Variants in NKAIN2 observed in about 807,000 individuals in gnomAD.
NKAIN2 encodes the protein sodium/potassium transporting ATPase interacting 2.
A neutral mutation model predicts 32.6 loss-of-function variants in NKAIN2; 14 were observed. The ratio of observed to expected loss-of-function variants is 0.43; its 90% CI spans 0.28 to 0.67. NKAIN2 has a LOEUF of 0.67. Ranked by LOEUF, NKAIN2 falls within the 30% of genes least tolerant of loss-of-function variation. The probability of loss-of-function intolerance (pLI) is 0.17; values close to 1 mark genes in which losing one functional copy is unlikely to be tolerated. For missense variants in NKAIN2, 198 were observed against 258.3 expected (o/e 0.77, Z 1.60); for synonymous variants, 80 against 87.2 (o/e 0.92, Z 0.46).
At chr6:124,128,576 A>G (rs1429645516) in intron 1 of NKAIN2, among the ~76,000 whole-genome samples, 6 of 152,178 alleles carry the variant, frequency 3.9e-5, no homozygotes, top group African/African-American at 1.4e-4. Flanking sequence ...TCCCCATTAT[A>G]GTAATGAGTG....
At chr6:124,325,337 A>G (rs1358369554) in intron 2 of NKAIN2, among the ~76,000 whole-genome samples, 2 of 152,110 alleles carry the variant, frequency 1.3e-5, no homozygotes, top group Non-Finnish European at 2.9e-5. Context: ...TATGGAAAAC[A>G]GTTTAGCAGT....
At chr6:124,209,290 A>G (rs1339793924) in intron 1 of NKAIN2, among the ~76,000 whole-genome samples, 1 of 151,792 alleles carries the variant, frequency 6.6e-6, no homozygotes, top group Non-Finnish European at 1.5e-5. Context: ...GTTGTTGCAA[A>G]TGACAGGAGT....
intron 1 of NKAIN2, among the ~76,000 whole-genome samples, chr6:124,050,881 A>G (rs1200265141): frequency 6.6e-6 from 1 of 152,054 alleles, no homozygotes; most frequent in Non-Finnish European, 1.5e-5. Context: ...TGAATCAATG[A>G]GTGATTTGGG....
intron 1 of NKAIN2, among the ~76,000 whole-genome samples, chr6:124,110,553 C>G (rs906271830): frequency 2.0e-5 from 3 of 151,966 alleles, no homozygotes. Context: ...CTCCTTCTTC[C>G]CTCCTTTAGT....
intron 3 of NKAIN2, among the ~76,000 whole-genome samples, chr6:124,598,077 A>G (rs1313468042): frequency 2.6e-5 from 4 of 152,204 alleles, no homozygotes. Context: ...AAATTCAAGC[A>G]TAAGTTCATT....
intron 5 of NKAIN2, among the ~76,000 whole-genome samples, chr6:124,804,297 G>T (rs546872415): frequency 6.6e-6 from 1 of 152,270 alleles, no homozygotes; most frequent in East Asian, 1.9e-4. Flanking sequence ...AGAATTAGCA[G>T]ATATGAACAA....
intron 3 of NKAIN2, among the ~76,000 whole-genome samples, chr6:124,406,963 T>A (rs1773888856): frequency 6.6e-6 from 1 of 152,032 alleles, no homozygotes; most frequent in Non-Finnish European, 1.5e-5. Flanking sequence ...TTTATGTATA[T>A]TCGATACAAT....
At chr6:124,085,124 A>G (rs1274286141) in intron 1 of NKAIN2, among the ~76,000 whole-genome samples, 1 of 152,046 alleles carries the variant, frequency 6.6e-6, no homozygotes, top group Non-Finnish European at 1.5e-5. Context: ...AAACTCAGGA[A>G]AAGGTTTTGT....
chr6:124,726,465 C>T (rs1776317690), intron 4 of NKAIN2, among the ~76,000 whole-genome samples: 1 of 151,836 alleles, frequency 6.6e-6, no homozygotes, highest in Non-Finnish European at 1.5e-5. Context: ...CCTCACACGG[C>T]AGGGTATTCC....
chr6:124,380,666 C>A (rs1772595722), intron 3 of NKAIN2, among the ~76,000 whole-genome samples: 1 of 152,080 alleles, frequency 6.6e-6, no homozygotes, highest in Non-Finnish European at 1.5e-5. Flanking sequence ...TCTGTGAAGT[C>A]AGAAGTATTT....
chr6:124,239,174 A>G (rs941389947), intron 1 of NKAIN2, among the ~76,000 whole-genome samples: 2 of 152,236 alleles, frequency 1.3e-5, no homozygotes, highest in African/African-American at 4.8e-5. Context: ...ACATAATGAT[A>G]AAGTATCAAT....
chr6:123,846,208 T>C (rs1032089692), intron 1 of NKAIN2, among the ~76,000 whole-genome samples: 1 of 152,224 alleles, frequency 6.6e-6, no homozygotes, highest in Non-Finnish European at 1.5e-5. Flanking sequence ...TCTAGGTGTG[T>C]GTAAACCTCA....
intron 4 of NKAIN2, among the ~76,000 whole-genome samples, chr6:124,660,742 C>G (rs1218559400): frequency 6.6e-6 from 1 of 152,210 alleles, no homozygotes; most frequent in Non-Finnish European, 1.5e-5. Flanking sequence ...CACGGCATTA[C>G]TTGGAGAAAT....
At position 124,480,045 on chromosome 6, in the gene NKAIN2, A is replaced by G. The variant is rs76672843; in HGVS notation, c.273+124698A>G. 5.5e-3 allele frequency among the ~76,000 whole-genome samples: 831 copies of G among 152,316 alleles called. 29 individuals are homozygous for G. In the East Asian group the frequency reaches 0.08, roughly 15 times the overall value. Reference sequence around the variant, plus strand: ...CAAACAGATTGCAGAGGAAAATACAATCTTATTTTAGATGCAGTTCAGGTT... The same window carrying G: ...CAAACAGATTGCAGAGGAAAATACAGTCTTATTTTAGATGCAGTTCAGGTT... On this transcript the variant is annotated intron_variant, in intron 3 of 6. Transcript: ENST00000368417.
intron 1 of NKAIN2, among the ~76,000 whole-genome samples, chr6:124,104,981 A>G (rs775721709): frequency 9.2e-5 from 14 of 152,178 alleles, no homozygotes; most frequent in Non-Finnish European, 1.6e-4. Flanking sequence ...ACTTCTGTCA[A>G]TGTTGGACTT....
intron 1 of NKAIN2, among the ~76,000 whole-genome samples, chr6:123,877,312 T>C (rs536628289): frequency 6.6e-6 from 1 of 152,336 alleles, no homozygotes; most frequent in Admixed American, 6.5e-5. Context: ...TTATGCAACA[T>C]TTGCTACGTA....
At chr6:124,193,103 C>G (rs1790113471) in intron 1 of NKAIN2, among the ~76,000 whole-genome samples, 1 of 152,166 alleles carries the variant, frequency 6.6e-6, no homozygotes, top group African/African-American at 2.4e-5. Context: ...GGTGCATACA[C>G]ATTTAGAATT....
intron 1 of NKAIN2, among the ~76,000 whole-genome samples, chr6:123,876,744 C>A (rs1017481120): frequency 4.6e-5 from 7 of 152,192 alleles, no homozygotes; most frequent in African/African-American, 1.7e-4. Flanking sequence ...GGATTGGATG[C>A]TGCCCACCCA....
Position 124,392,747 on chromosome 6 carries a change from C to G in NKAIN2, c.273+37400C>G, listed in dbSNP as rs536382704. Among the ~76,000 whole-genome samples the G allele has an allele frequency of 4.6e-5, 7 of 152,262 alleles. No individual in the cohort carries two copies. In the South Asian group the frequency reaches 1.4e-3, roughly 32 times the overall value. On this transcript the variant is annotated intron_variant, in intron 3 of 6. Coordinates refer to ENST00000368417, the MANE Select transcript of NKAIN2 (RefSeq NM_001040214.3). ...GAAGGGTAGAACAATTTAAAAGTTG[C>G]TGCATTTGACAGCAATGCCAGAAAT...
Sources: allele counts gnomAD v4.1 joint callset (sites outside exome capture counted in the v4.1 genomes callset), GRCh38; gene constraint gnomAD v4.1.1; transcripts MANE v1.5; gene names NCBI Gene and HGNC (gene_info 2026-07-23, HGNC 2026-07-21).